The following TG variants were observed in gnomAD, a reference collection of about 807,000 sequenced individuals.
The protein encoded by TG is thyroglobulin.
TG carries 270 observed loss-of-function variants against 324.7 expected under a neutral mutation model. The ratio of observed to expected loss-of-function variants is 0.83; its 90% CI spans 0.75 to 0.92. The LOEUF (loss-of-function observed/expected upper bound fraction) is 0.92. TG is among the 40% of genes least tolerant of loss of function. TG has a pLI of 0.00. For synonymous variants in TG, 1,401 were observed against 1,327.0 expected (o/e 1.06, Z -1.21); for missense variants, 3,591 against 3,456.4 (o/e 1.04, Z -0.98).
chr8:132,995,685 T>A (rs923189655), intron 35 of TG, among the ~76,000 whole-genome samples: 2 of 152,216 alleles, frequency 1.3e-5, no homozygotes, highest in Non-Finnish European at 2.9e-5. Flanking sequence ...TTGGTGGGGA[T>A]GTCCACTTGT....
chr8:133,058,144 T>A (rs1365266226), intron 41 of TG, among the ~76,000 whole-genome samples: 1 of 152,210 alleles, frequency 6.6e-6, no homozygotes, highest in African/African-American at 2.4e-5. Context: ...GGGGACTACT[T>A]AACACGGCAT....
intron 45 of TG, among the ~76,000 whole-genome samples, chr8:133,129,738 C>A (rs1029883263): frequency 6.6e-6 from 1 of 152,152 alleles, no homozygotes; most frequent in Non-Finnish European, 1.5e-5. Flanking sequence ...CTCAAGCAAT[C>A]CACCTGCCTT....
chr8:132,935,174 T>C (rs1048959768), intron 24 of TG, among the ~76,000 whole-genome samples: 3 of 149,836 alleles, frequency 2.0e-5, no homozygotes, highest in Non-Finnish European at 4.4e-5. Context: ...AGAGTTTCAC[T>C]CTGTCGTCCA....
intron 41 of TG, among the ~76,000 whole-genome samples, chr8:133,065,681 G>A (rs1352500114): frequency 2.0e-5 from 3 of 152,200 alleles, no homozygotes; most frequent in Admixed American, 2.0e-4. Flanking sequence ...AGAATCACTT[G>A]AACCCAGTGG....
intron 20 of TG, among the ~76,000 whole-genome samples, chr8:132,913,540 G>A (rs1248282340): frequency 6.6e-6 from 1 of 152,152 alleles, no homozygotes; most frequent in Non-Finnish European, 1.5e-5. Flanking sequence ...TCATTGTGAT[G>A]AAGGCTAACA....
intron 41 of TG, among the ~76,000 whole-genome samples, chr8:133,082,415 C>T (rs1845891926): frequency 6.6e-6 from 1 of 152,138 alleles, no homozygotes; most frequent in Admixed American, 6.5e-5. Context: ...TCTTTCCCTC[C>T]TTGTAGATTG....
chr8:132,893,234 TGTGTGTATGTGTGTG>T (rs1419676042), intron 10 of TG, among the ~76,000 whole-genome samples: 4 of 141,510 alleles, frequency 2.8e-5, no homozygotes, highest in African/African-American at 8.0e-5. Flanking sequence ...ATATGTGGTG[TGTGTGTATGTGTGTG>T]GTGTGTATGT....
chr8:132,894,318 C>T (rs1182159348), intron 11 of TG, among the ~76,000 whole-genome samples: 1 of 152,138 alleles, frequency 6.6e-6, no homozygotes, highest in Admixed American at 6.5e-5. Context: ...GAGGAAGCCT[C>T]GATATTAAGT....
chr8:132,934,563 G>A (rs1823279900), intron 24 of TG, among the ~76,000 whole-genome samples: 1 of 152,142 alleles, frequency 6.6e-6, no homozygotes, highest in African/African-American at 2.4e-5. Flanking sequence ...ATAAACACGA[G>A]CTCTTCTCAG....
intron 43 of TG, among the ~76,000 whole-genome samples, chr8:133,103,943 T>C (rs1849564740): frequency 6.6e-6 from 1 of 152,188 alleles, no homozygotes; most frequent in African/African-American, 2.4e-5. Context: ...ATCTTAGAAA[T>C]GCCCTGAAGA....
At chr8:133,018,316 A>C (rs76518286) in intron 38 of TG, among the ~76,000 whole-genome samples, 1 of 152,142 alleles carries the variant, frequency 6.6e-6, no homozygotes, top group Non-Finnish European at 1.5e-5. Context: ...TCCCCTGGAC[A>C]TTGATCCAGG....
At chr8:133,111,467 A>G (rs561156513) in intron 43 of TG, among the ~76,000 whole-genome samples, 1 of 152,338 alleles carries the variant, frequency 6.6e-6, no homozygotes, top group Admixed American at 6.5e-5. Flanking sequence ...CATTTTTGTA[A>G]TGAAATATTC....
chr8:132,989,067 A>G (rs1831980233), intron 35 of TG: 1 of 213,852 alleles, frequency 4.7e-6, no homozygotes, highest in South Asian at 1.7e-4. Context: ...GACAGCAGGC[A>G]AAGAGAGAGC....
chr8:132,929,663 G>T (rs1170246410), intron 23 of TG, among the ~76,000 whole-genome samples: 1 of 152,142 alleles, frequency 6.6e-6, no homozygotes, highest in Non-Finnish European at 1.5e-5. Context: ...CATAGAACCA[G>T]CAAGGGGTCA....
In TG at chr8:133,039,953, G is replaced by GCACACACACA. The variant is rs3835182; in HGVS notation, c.7239+9947_7239+9956dup. ...TCACATGTTCACAGAGCACTTGCAT[G>GCACACACACA]CACACACACACACACACACACACAC... On this transcript the variant is annotated intron_variant, in intron 41 of 47. Coordinates refer to ENST00000220616, the MANE Select transcript of TG (RefSeq NM_003235.5). 247 of 1,434,352 alleles carry GCACACACACA rather than the reference G, an allele frequency of 1.7e-4. No homozygotes were observed. The African/African-American group carries it at 2.7e-3, about 16-fold the overall frequency. 88.9% of individuals were successfully genotyped at this position (1,434,352 alleles called of 1,614,324 possible).
intron 10 of TG, 95 bp downstream of exon 10, chr8:132,888,663 G>A: frequency 5.4e-6 from 7 of 1,293,798 alleles, no homozygotes; most frequent in South Asian, 1.5e-5. Context: ...TAGTGGGAGG[G>A]TATTGAGTGT....
intron 32 of TG, 131 bp downstream of exon 32, chr8:132,969,700 C>T: frequency 1.4e-6 from 1 of 708,546 alleles, no homozygotes; most frequent in East Asian, 2.7e-5. Flanking sequence ...ATCACGAGGT[C>T]AAGAGATCAA....
intron 32 of TG, among the ~76,000 whole-genome samples, chr8:132,971,501 C>T (rs937842866): frequency 2.0e-5 from 3 of 152,132 alleles, no homozygotes; most frequent in Non-Finnish European, 2.9e-5. Context: ...CCTGGGTTAG[C>T]TTGGTTGGAG....
At chr8:132,897,575 C>T (rs1437806457) in intron 11 of TG, 74 bp from the exon 12 acceptor site, 8 of 1,590,656 alleles carry the variant, frequency 5.0e-6, no homozygotes, top group South Asian at 1.1e-5. Flanking sequence ...CCAGGACATA[C>T]GTGGTTGTTC....
Sources: gnomAD v4.1 joint callset for allele counts (sites outside exome capture counted in the v4.1 genomes callset) on GRCh38, gnomAD v4.1.1 for gene constraint, MANE v1.5 for transcripts, NCBI Gene and HGNC (gene_info 2026-07-23, HGNC 2026-07-21) for gene names.